SPIN1: variants seen among roughly 807,000 people sequenced by gnomAD.
The protein encoded by SPIN1 is spindlin 1, also known as spindlin-1.
Under a neutral mutation model 26.0 loss-of-function variants are expected in SPIN1, and 3 were observed. The observed-to-expected ratio is 0.12, with a 90% confidence interval of 0.05 to 0.30. The LOEUF is 0.30. SPIN1 is among the 10% of genes least tolerant of loss of function. The pLI is 1.00. For synonymous variants in SPIN1, 101 were observed against 116.5 expected, an observed-to-expected ratio of 0.87 and a Z score of 0.86; for missense variants, 126 against 333.4, an observed-to-expected ratio of 0.38 and a Z score of 4.84.
In SPIN1 at chr9:88,395,216, C is replaced by T. The variant is rs1371809042; in HGVS notation, c.-159+6678C>T. 2.0e-5 allele frequency among the ~76,000 whole-genome samples: 3 copies of T among 152,030 alleles called. No individual in the cohort carries two copies. The East Asian group carries it at 5.8e-4, about 29-fold the overall frequency. The stretch of plus-strand genomic sequence containing the variant: ...TTCACAGCTTCACTTTAATTCTGTT[C>T]CTCCACGAATTTCTCTCTTGCCCCA... On this transcript the variant is annotated intron_variant, in intron 1 of 5. Transcript: ENST00000375859.
chr9:88,462,005 A>C (rs1828586932), intron 3 of SPIN1, among the ~76,000 whole-genome samples: 1 of 152,234 alleles, frequency 6.6e-6, no homozygotes, highest in Non-Finnish European at 1.5e-5. Flanking sequence ...AAGCTTGTAC[A>C]GGCAGAATTA....
chr9:88,461,639 G>T (rs1164951225), intron 3 of SPIN1, among the ~76,000 whole-genome samples: 1 of 152,254 alleles, frequency 6.6e-6, no homozygotes, highest in African/African-American at 2.4e-5. Flanking sequence ...AAAACTGTGG[G>T]AAGGGAATTC....
chr9:88,478,234 T>G lies in SPIN1; in HGVS notation c.*2957T>G. The G allele has an allele frequency of 6.6e-6, 1 of 152,664 alleles. No individual in the cohort carries two copies. Among genetic ancestry groups the G allele is most frequent in the Non-Finnish European group, 1.5e-5 (1 of 68,052 alleles). The allele number at this position is 152,664 out of a possible 1,614,324, so 9.5% of individuals were successfully genotyped here. On this transcript the variant is annotated 3_prime_UTR_variant, in exon 6 of 6. Transcript: ENST00000375859. ...TGCCAAACCACGAAGTGCATTGGGC[T>G]TCAATCTCTGAACACTGTAGACCCA...
rs185422300 is a variant in SPIN1 at position 88,458,605 on chromosome 9, T to C, written c.102-3891T>C. On this transcript the variant is annotated intron_variant, in intron 3 of 5. Transcript: ENST00000375859. ...GAGCAGCGACAACGAAAAATTCTGC[T>C]GTCATAGGTCACGTTTATGTTGGTT... Among the ~76,000 whole-genome samples the C allele has an allele frequency of 3.3e-5, 5 of 152,296 alleles. No individual in the cohort carries two copies. The East Asian group carries it at 9.7e-4, about 29-fold the overall frequency.
intron 1 of SPIN1, among the ~76,000 whole-genome samples, chr9:88,425,795 G>T (rs951590943): frequency 6.6e-6 from 1 of 152,090 alleles, no homozygotes; most frequent in African/African-American, 2.4e-5. Flanking sequence ...CTGGAAGCTT[G>T]TGAGCAGAAA....
At chr9:88,439,340 C>G (rs1211706015) in intron 2 of SPIN1, among the ~76,000 whole-genome samples, 1 of 152,102 alleles carries the variant, frequency 6.6e-6, no homozygotes, top group East Asian at 1.9e-4. Flanking sequence ...ACAGATTGTC[C>G]ACATGGGTTG....
intron 3 of SPIN1, among the ~76,000 whole-genome samples, chr9:88,454,459 A>C (rs1467520292): frequency 6.6e-6 from 1 of 152,108 alleles, no homozygotes; most frequent in African/African-American, 2.4e-5. Flanking sequence ...ATTTCCACTT[A>C]TGTAAGTAAG....
chr9:88,396,623 C>G (rs1827065750), intron 1 of SPIN1, among the ~76,000 whole-genome samples: 2 of 151,982 alleles, frequency 1.3e-5, no homozygotes, highest in South Asian at 4.1e-4. Flanking sequence ...CAGAAAAACT[C>G]TAAATGGCTT....
chr9:88,443,125 AAAAAAAAAAC>A (rs1828172545), intron 2 of SPIN1, among the ~76,000 whole-genome samples: 1 of 151,702 alleles, frequency 6.6e-6, no homozygotes, highest in Admixed American at 6.6e-5. Flanking sequence ...ATCTCAAAAA[AAAAAAAAAAC>A]AAAAAAAAAC....
chr9:88,430,883 C>CTT (rs906131135), intron 2 of SPIN1, among the ~76,000 whole-genome samples: 180 of 132,062 alleles, frequency 1.4e-3, no homozygotes, highest in Middle Eastern at 4.1e-3. Flanking sequence ...TATATTTTTT[C>CTT]TTTTTTTTTT....
chr9:88,436,369 A>G (rs1587797499), intron 2 of SPIN1, among the ~76,000 whole-genome samples: 1 of 152,318 alleles, frequency 6.6e-6, no homozygotes, highest in East Asian at 1.9e-4. Flanking sequence ...TACTCAGGAA[A>G]ATGGAGTGGA....
At chr9:88,471,840 C>A (rs916045789) in intron 5 of SPIN1, among the ~76,000 whole-genome samples, 2 of 150,520 alleles carry the variant, frequency 1.3e-5, no homozygotes, top group African/African-American at 4.9e-5. Flanking sequence ...TTTTTTTTTC[C>A]TCCTTTTTTT....
chr9:88,401,345 A>G (rs946220330), intron 1 of SPIN1, among the ~76,000 whole-genome samples: 15 of 151,984 alleles, frequency 9.9e-5, no homozygotes, highest in African/African-American at 3.6e-4. Flanking sequence ...CACTGTTAAT[A>G]ATAAGAGGTT....
At chr9:88,457,509 G>A (rs1387048019) in intron 3 of SPIN1, among the ~76,000 whole-genome samples, 3 of 152,040 alleles carry the variant, frequency 2.0e-5, no homozygotes, top group Non-Finnish European at 4.4e-5. Context: ...CAGCCTGGGT[G>A]ACTGAGTGAG....
At chr9:88,450,931 G>T (rs1828341216) in intron 3 of SPIN1, among the ~76,000 whole-genome samples, 1 of 152,126 alleles carries the variant, frequency 6.6e-6, no homozygotes, top group Admixed American at 6.5e-5. Flanking sequence ...GCTCTCCCAG[G>T]TGCTGGTTTT....
At chr9:88,445,564 T>TTATTATTATTAA (rs56321778) in intron 2 of SPIN1, among the ~76,000 whole-genome samples, 4 of 147,542 alleles carry the variant, frequency 2.7e-5, no homozygotes, top group Non-Finnish European at 6.0e-5. Context: ...ATTATTATTA[T>TTATTATTATTAA]ATTGAGATGG....
chr9:88,391,741 G>C (rs193055449), intron 1 of SPIN1: 1 of 152,204 alleles, frequency 6.6e-6, no homozygotes, highest in Non-Finnish European at 1.5e-5. Flanking sequence ...CTGAGCAGAA[G>C]AGAGGCCCGA....
intron 1 of SPIN1, among the ~76,000 whole-genome samples, chr9:88,409,292 GC>G (rs1228670686): frequency 2.0e-5 from 3 of 152,024 alleles, no homozygotes; most frequent in African/African-American, 7.2e-5. Context: ...ACTGTGCCCG[GC>G]CTGCTTTTCT....
intron 1 of SPIN1, among the ~76,000 whole-genome samples, chr9:88,400,514 A>G (rs1157537143): frequency 6.6e-6 from 1 of 152,158 alleles, no homozygotes; most frequent in Non-Finnish European, 1.5e-5. Flanking sequence ...TTCTGGCCTA[A>G]CAAGGAACTC....
Sources: gnomAD v4.1 joint callset for allele counts (sites outside exome capture counted in the v4.1 genomes callset) on GRCh38, gnomAD v4.1.1 for gene constraint, MANE v1.5 for transcripts, NCBI Gene and HGNC (gene_info 2026-07-23, HGNC 2026-07-21) for gene names.